TMEM132B: variants seen among roughly 807,000 people sequenced by gnomAD.
TMEM132B encodes transmembrane protein 132B.
In TMEM132B, 18 loss-of-function variants were observed where a neutral mutation model predicts 90.8. That is an observed-to-expected ratio of 0.20 (90% confidence interval 0.14 to 0.29). The LOEUF (loss-of-function observed/expected upper bound fraction) is 0.29. Among genes scored for constraint, TMEM132B ranks in the 10% least tolerant of loss-of-function variants. The probability of loss-of-function intolerance (pLI) is 1.00; values close to 1 mark genes in which losing one functional copy is unlikely to be tolerated. For synonymous variants in TMEM132B, 504 were observed against 523.3 expected, an observed-to-expected ratio of 0.96 and a Z score of 0.50; for missense variants, 1,096 against 1,326.8, an observed-to-expected ratio of 0.83 and a Z score of 2.70.
chr12:125,324,194 G>A lies in TMEM132B; in HGVS notation c.68-25258G>A, dbSNP rs534096443. Among the ~76,000 whole-genome samples, 61 of 152,268 alleles carry A rather than the reference G, an allele frequency of 4.0e-4. No individual in the cohort carries two copies. In the South Asian group the frequency reaches 0.011, roughly 27 times the overall value. On this transcript the variant is annotated intron_variant, in intron 1 of 8. Coordinates refer to ENST00000682704, the MANE Select transcript of TMEM132B (RefSeq NM_001366854.1). ...AACTTTCAAATGCCACAATCCGTGC[G>A]TTTGAATAATAATTCTTTGAAGGTC...
rs1166196064 is a variant in TMEM132B at position 125,255,948 on chromosome 12, G to T, written c.67+69082G>T. On this transcript the variant is annotated intron_variant, in intron 1 of 8. Coordinates refer to ENST00000682704, the MANE Select transcript of TMEM132B (RefSeq NM_001366854.1). Reference sequence around the variant, plus strand: ...CTGGGCCCTGTTTTATGCTTCTGTTGTCAACCCTAATCACTGAGTTTTAAG... The same window carrying T: ...CTGGGCCCTGTTTTATGCTTCTGTTTTCAACCCTAATCACTGAGTTTTAAG... 3.9e-5 allele frequency among the ~76,000 whole-genome samples: 6 copies of T among 152,068 alleles called. No homozygotes were observed. In the East Asian group the frequency reaches 1.2e-3, roughly 29 times the overall value.
At chr12:125,264,784 C>A (rs142795044) in intron 1 of TMEM132B, among the ~76,000 whole-genome samples, 35 of 152,362 alleles carry the variant, frequency 2.3e-4, no homozygotes, top group African/African-American at 7.7e-4. Context: ...ATTATAAAGT[C>A]CATCTGCATT....
intron 1 of TMEM132B, among the ~76,000 whole-genome samples, chr12:125,222,016 G>A (rs1039249527): frequency 8.5e-5 from 13 of 152,334 alleles, no homozygotes; most frequent in African/African-American, 3.1e-4. Context: ...GTCTCCCAAG[G>A]TGATGAAACT....
At chr12:125,393,447 C>G (rs1420764890) in intron 2 of TMEM132B, among the ~76,000 whole-genome samples, 1 of 151,960 alleles carries the variant, frequency 6.6e-6, no homozygotes, top group African/African-American at 2.4e-5. Flanking sequence ...ACAACAACAA[C>G]AACAACCTGG....
At chr12:125,528,525 C>T (rs751529402) in intron 4 of TMEM132B, among the ~76,000 whole-genome samples, 6 of 152,142 alleles carry the variant, frequency 3.9e-5, no homozygotes, top group Non-Finnish European at 8.8e-5. Flanking sequence ...GTTTGTATGC[C>T]TCTTCTGTGC....
At chr12:125,642,253 A>G (rs1886651503) in intron 5 of TMEM132B, among the ~76,000 whole-genome samples, 1 of 151,938 alleles carries the variant, frequency 6.6e-6, no homozygotes, top group African/African-American at 2.4e-5. Flanking sequence ...CCTCCACTCC[A>G]TTTTCTTCTC....
intron 1 of TMEM132B, among the ~76,000 whole-genome samples, chr12:125,240,247 C>T (rs1469517873): frequency 6.6e-6 from 1 of 152,174 alleles, no homozygotes; most frequent in East Asian, 1.9e-4. Flanking sequence ...CTATGGCTGT[C>T]ACCCTGGGGT....
At chr12:125,389,345 C>T (rs1348839554) in intron 2 of TMEM132B, among the ~76,000 whole-genome samples, 2 of 143,352 alleles carry the variant, frequency 1.4e-5, no homozygotes, top group Non-Finnish European at 3.0e-5. Context: ...CCCCTCCCCT[C>T]CCCTCAACTC....
At chr12:125,624,373 C>A (rs1241183747) in intron 5 of TMEM132B, among the ~76,000 whole-genome samples, 1 of 152,102 alleles carries the variant, frequency 6.6e-6, no homozygotes, top group Non-Finnish European at 1.5e-5. Context: ...TACTCTGCAC[C>A]ATTCTTGCAT....
intron 3 of TMEM132B, among the ~76,000 whole-genome samples, chr12:125,474,066 C>T (rs1334495265): frequency 7.9e-5 from 3 of 38,010 alleles, no homozygotes; most frequent in South Asian, 7.0e-4. Context: ...TTTTCCTTTC[C>T]TTTCCTTTCC....
intron 2 of TMEM132B, among the ~76,000 whole-genome samples, chr12:125,390,904 T>C (rs1258215946): frequency 1.3e-5 from 2 of 152,106 alleles, no homozygotes; most frequent in African/African-American, 4.8e-5. Context: ...TGTTTTGGGG[T>C]AGCTAGGGTT....
In TMEM132B at chr12:125,349,234, A is replaced by C. The variant is rs577977555; in HGVS notation, c.68-218A>C. Among the ~76,000 whole-genome samples the C allele has an allele frequency of 7.4e-5, 11 of 149,614 alleles. No homozygotes were observed. Among genetic ancestry groups the C allele is most frequent in the African/African-American group, 2.0e-4 (8 of 40,986 alleles). On this transcript the variant is annotated intron_variant, in intron 1 of 8. Transcript: ENST00000682704. The surrounding 1 kb of genome is among the most constrained non-coding windows in gnomAD (Gnocchi z 4.1). ...TGTTCACCCCCAAGACTATTGGATC[A>C]GTGGTAAATGGGGTTCCTCCCCACT...
chr12:125,313,283 T>A (rs1876163942), intron 1 of TMEM132B, among the ~76,000 whole-genome samples: 1 of 152,188 alleles, frequency 6.6e-6, no homozygotes, highest in African/African-American at 2.4e-5. Flanking sequence ...TTGAGAATGA[T>A]TTGAATCTGT....
chr12:125,364,345 T>C (rs191616795), intron 2 of TMEM132B, among the ~76,000 whole-genome samples: 2 of 152,202 alleles, frequency 1.3e-5, no homozygotes, highest in African/African-American at 2.4e-5. Context: ...TTAAAAGAAA[T>C]GTATTGTGAG....
At chr12:125,192,959 G>A (rs183725081) in intron 1 of TMEM132B, among the ~76,000 whole-genome samples, 6 of 152,272 alleles carry the variant, frequency 3.9e-5, no homozygotes, top group Middle Eastern at 3.4e-3. Flanking sequence ...AGGCTGGGTG[G>A]TTCAGCAAGA....
chr12:125,244,216 A>G (rs988949902), intron 1 of TMEM132B, among the ~76,000 whole-genome samples: 3 of 152,196 alleles, frequency 2.0e-5, no homozygotes, highest in Admixed American at 1.3e-4. Context: ...TGCCACGAAC[A>G]TGAGTGTGTA....
At chr12:125,561,954 G>A (rs1240416710) in intron 4 of TMEM132B, among the ~76,000 whole-genome samples, 2 of 152,122 alleles carry the variant, frequency 1.3e-5, no homozygotes, top group Admixed American at 1.3e-4. Flanking sequence ...TTGAAGCCAG[G>A]CATTGGCTTC....
chr12:125,600,416 A>C (rs1885541836), intron 5 of TMEM132B, among the ~76,000 whole-genome samples: 1 of 151,990 alleles, frequency 6.6e-6, no homozygotes, highest in Non-Finnish European at 1.5e-5. Flanking sequence ...TACTGTGTTT[A>C]TTTATTGACT....
chr12:125,466,438 AAAGCACTAATTG>A (rs1881564193), intron 3 of TMEM132B, among the ~76,000 whole-genome samples: 2 of 152,238 alleles, frequency 1.3e-5, no homozygotes, highest in Admixed American at 1.3e-4. Flanking sequence ...CAGGACAACC[AAAGCACTAATTG>A]AAGGCTTGAG....
Sources: gnomAD v4.1 joint callset for allele counts (sites outside exome capture counted in the v4.1 genomes callset) on GRCh38, gnomAD v4.1.1 for gene constraint, Gnocchi (gnomAD v3.1) non-coding constraint, MANE v1.5 for transcripts, NCBI Gene and HGNC (gene_info 2026-07-23, HGNC 2026-07-21) for gene names.